Variants in AGAP3 observed in about 807,000 individuals in gnomAD.
AGAP3 encodes arf-GAP with GTPase, ANK repeat and PH domain-containing protein 3.
Under a neutral mutation model 96.9 loss-of-function variants are expected in AGAP3, and 24 were observed. That is an observed-to-expected ratio of 0.25 (90% CI 0.18 to 0.35). The LOEUF is 0.35. Among genes scored for constraint, AGAP3 ranks in the 10% least tolerant of loss-of-function variants. AGAP3 has a pLI of 1.00. For synonymous variants in AGAP3, 563 were observed against 536.1 expected, an observed-to-expected ratio of 1.05 and a Z score of -0.69; for missense variants, 876 against 1,254.2, an observed-to-expected ratio of 0.70 and a Z score of 4.55.
rs757896544 is a variant in AGAP3, at chr7:151,141,968, G to T, written c.1875G>T (p.Thr625=). The T allele has an allele frequency of 3.1e-6, 5 of 1,602,490 alleles. No homozygotes were observed. Among genetic ancestry groups the T allele is most frequent in the Non-Finnish European group, 3.4e-6 (4 of 1,173,252 alleles). Residue 625 remains threonine, a synonymous_variant, in exon 14 of 18, where the codon ACG becomes ACT. Coordinates refer to ENST00000397238, the MANE Select transcript of AGAP3 (RefSeq NM_031946.7). The surrounding 1 kb of genome is among the most constrained non-coding windows in gnomAD (Gnocchi z 4.2). The part of the protein sequence containing the change: ...TGQTWHFEAS[T]AEERELWVQS... Reference sequence around the variant, plus strand: ...AGACGTGGCACTTCGAGGCTTCAACGGCGGAGGAGCGGGAGCTGTGGGTTC... The same window carrying T: ...AGACGTGGCACTTCGAGGCTTCAACTGCGGAGGAGCGGGAGCTGTGGGTTC...
intron 8 of AGAP3, among the ~76,000 whole-genome samples, chr7:151,122,355 T>C (rs1156673604): frequency 3.3e-5 from 5 of 152,202 alleles, no homozygotes; most frequent in African/African-American, 9.6e-5. Context: ...CACGCTGCAG[T>C]TGTGGCCCTG....
rs1032080349 is a variant in AGAP3 at position 151,120,048 on chromosome 7, G to A, written c.1031G>A (p.Ser344Asn). 3.3e-5 allele frequency: 54 copies of A among 1,613,740 alleles called. No individual in the cohort carries two copies. The highest frequency in any genetic ancestry group is 4.3e-5 in the Non-Finnish European group (51 of 1,179,912). Residue 344 changes from serine to asparagine, a missense_variant, in exon 8 of 18, where the codon AGC becomes AAC. Around this residue, in one of 8 missense-constraint regions of AGAP3, gnomAD observed 100 missense variants for 129.4 expected, o/e 0.77. Coordinates refer to ENST00000397238, the MANE Select transcript of AGAP3 (RefSeq NM_031946.7). ...DYSSSVPSTP[S>N]ISQRELRIET... ...TCGTCCTCAGTCCCCTCCACCCCCA[G>A]CATCAGCCAGCGGGAGCTGCGCATC...
Position 151,118,434 on chromosome 7 carries a change from TG to T in AGAP3, c.842-65del, listed in dbSNP as rs537910175. Reference sequence around the variant, plus strand: ...CCCAGTGAGAGCAAGGCTGTGTGTCTGGGGGGAGGTGCTAAGCCAGGCTTTT... The same window carrying T: ...CCCAGTGAGAGCAAGGCTGTGTGTCTGGGGGAGGTGCTAAGCCAGGCTTTT... On this transcript the variant is annotated intron_variant, in intron 6 of 17. Transcript: ENST00000397238. The surrounding 1 kb of genome is among the most constrained non-coding windows in gnomAD (Gnocchi z 6.1). 4.0e-4 allele frequency: 634 copies of T among 1,600,458 alleles called. 3 individuals are homozygous for T. The African/African-American group carries it at 7.6e-3, about 19-fold the overall frequency.
intron 1 of AGAP3, among the ~76,000 whole-genome samples, chr7:151,106,275 TCTTTC>T (rs149888504): frequency 0.042 from 6,404 of 152,150 alleles, 231 homozygotes; most frequent in African/African-American, 0.089. Flanking sequence ...GGGTGTGAGG[TCTTTC>T]CTTTTGTCTC....
At chr7:151,110,447 T>C (rs1799233134) in intron 1 of AGAP3, among the ~76,000 whole-genome samples, 1 of 151,894 alleles carries the variant, frequency 6.6e-6, no homozygotes, top group Non-Finnish European at 1.5e-5. Flanking sequence ...TGGATGGGGA[T>C]GGAGGCGGGT....
chr7:151,092,080 G>A (rs148991820), intron 1 of AGAP3, among the ~76,000 whole-genome samples: 52 of 152,268 alleles, frequency 3.4e-4, no homozygotes, highest in African/African-American at 1.2e-3. Flanking sequence ...CCACCCTGCC[G>A]TGTTCCTAGA....
chr7:151,103,139 G>A (rs1366650678), intron 1 of AGAP3, among the ~76,000 whole-genome samples: 1 of 152,182 alleles, frequency 6.6e-6, no homozygotes, highest in Non-Finnish European at 1.5e-5. Context: ...TGCCCTTCTC[G>A]TATTCCTGCA....
intron 1 of AGAP3, among the ~76,000 whole-genome samples, chr7:151,088,937 G>A (rs1315574561): frequency 6.6e-6 from 1 of 152,116 alleles, no homozygotes; most frequent in African/African-American, 2.4e-5. Context: ...TGGAAGCTCG[G>A]CCTCACCCTC....
chr7:151,120,360 G>T (rs1448083300), intron 8 of AGAP3, among the ~76,000 whole-genome samples: 2 of 152,088 alleles, frequency 1.3e-5, no homozygotes, highest in Admixed American at 6.5e-5. Flanking sequence ...TTCCAGTAGC[G>T]GCCCTTACCC....
intron 10 of AGAP3, among the ~76,000 whole-genome samples, chr7:151,131,702 G>A (rs561005799): frequency 1.4e-4 from 21 of 152,334 alleles, no homozygotes; most frequent in African/African-American, 4.8e-4. Context: ...CGTCAGAGAT[G>A]CTGAAGTTGG....
At chr7:151,087,114 C>G (rs201792217) in intron 1 of AGAP3, 42 bp downstream of exon 1, 9 of 1,552,096 alleles carry the variant, frequency 5.8e-6, no homozygotes, top group Non-Finnish European at 7.9e-6. Context: ...GCGCAGTGGC[C>G]TCTCCGGCGC....
In AGAP3 at chr7:151,110,789, C is replaced by T. The variant is rs562458581; in HGVS notation, c.332-6004C>T. 5.5e-4 allele frequency among the ~76,000 whole-genome samples: 84 copies of T among 152,184 alleles called. 2 individuals are homozygous for T. In the South Asian group the frequency reaches 0.015, roughly 27 times the overall value. ...GGAGGGAGCGCCACCAGGACTGACACGGATTGGGCTGGGGGAGTGGTAAGG... is the reference window on the plus strand; with the variant it reads ...GGAGGGAGCGCCACCAGGACTGACATGGATTGGGCTGGGGGAGTGGTAAGG... On this transcript the variant is annotated intron_variant, in intron 1 of 17. Transcript: ENST00000397238.
intron 1 of AGAP3, among the ~76,000 whole-genome samples, chr7:151,099,747 G>C (rs1798763254): frequency 6.6e-6 from 1 of 152,254 alleles, no homozygotes; most frequent in South Asian, 2.1e-4. Flanking sequence ...AGAGGCCTCA[G>C]TCAGCAAAGC....
At chr7:151,092,554 A>G (rs1046531798) in intron 1 of AGAP3, among the ~76,000 whole-genome samples, 2 of 152,160 alleles carry the variant, frequency 1.3e-5, no homozygotes, top group Admixed American at 6.6e-5. Flanking sequence ...TGGGTGGTGC[A>G]TGTTCCACCC....
At chr7:151,112,422 T>TCC (rs1799334260) in intron 1 of AGAP3, among the ~76,000 whole-genome samples, 1 of 151,090 alleles carries the variant, frequency 6.6e-6, no homozygotes, top group Admixed American at 6.6e-5. Context: ...TGTGTGTGTG[T>TCC]GTGTGTGTGT....
Position 151,141,778 on chromosome 7 carries a change from AAGGGTCTAGGGGAGGACACTTGCCAGTGG to A in AGAP3, c.1805-117_1805-89del. On this transcript the variant is annotated intron_variant, in intron 13 of 17. Coordinates refer to ENST00000397238, the MANE Select transcript of AGAP3 (RefSeq NM_031946.7). This position sits in a 1 kb window ranked among gnomAD's most constrained non-coding sequence, Gnocchi z 4.2. ...GGAGTGTGTGGCCTTGCAGCTGGGGAAGGGTCTAGGGGAGGACACTTGCCAGTGGAGCAGGGTAGTGAGTGGAGTTGTGG... is the reference window on the plus strand; with the variant it reads ...GGAGTGTGTGGCCTTGCAGCTGGGGAAGCAGGGTAGTGAGTGGAGTTGTGG... The A allele has an allele frequency of 7.7e-7, 1 of 1,303,254 alleles. No individual in the cohort carries two copies. The highest frequency in any genetic ancestry group is 1.1e-6 in the Non-Finnish European group (1 of 914,192). 80.7% of individuals were successfully genotyped at this position (1,303,254 alleles called of 1,614,324 possible). A position where few individuals can be genotyped will look rare whatever the true frequency, so the allele number is the denominator to read the frequency against.
chr7:151,087,344 TC>T, intron 1 of AGAP3: 1 of 451,356 alleles, frequency 2.2e-6, no homozygotes, highest in Admixed American at 3.7e-5. Flanking sequence ...ACCAGATCTG[TC>T]CAGGCCTGGC....
At position 151,118,188 on chromosome 7, in the gene AGAP3, C is replaced by T; in HGVS notation, c.707-22C>T. Reference sequence around the variant, plus strand: ...CAGCTTCTCCGAAAGCTGAATGACTCCCGCCCTCCCACCTCCAACAGATGC... The same window carrying T: ...CAGCTTCTCCGAAAGCTGAATGACTTCCGCCCTCCCACCTCCAACAGATGC... On this transcript the variant is annotated intron_variant, in intron 5 of 17. Transcript: ENST00000397238. The surrounding 1 kb of genome is among the most constrained non-coding windows in gnomAD (Gnocchi z 6.1). The T allele has an allele frequency of 6.3e-7, 1 of 1,593,518 alleles. No individual in the cohort carries two copies.
chr7:151,120,209 G>A, intron 8 of AGAP3, 64 bp downstream of exon 8: 1 of 1,517,088 alleles, frequency 6.6e-7, no homozygotes. Flanking sequence ...TGAGCGCCGA[G>A]CTCCCAGCCA....
Sources: allele counts gnomAD v4.1 joint callset (sites outside exome capture counted in the v4.1 genomes callset), GRCh38; gene constraint gnomAD v4.1.1; regional missense constraint gnomAD v4.1.1; non-coding constraint Gnocchi (gnomAD v3.1); transcripts MANE v1.5; gene names NCBI Gene and HGNC (gene_info 2026-07-23, HGNC 2026-07-21).